The following GLIPR1L1 variants were observed in gnomAD, a reference collection of about 807,000 sequenced individuals.
The protein encoded by GLIPR1L1 is GLIPR1-like protein 1.
GLIPR1L1 carries 26 observed loss-of-function variants against 29.9 expected under a neutral mutation model. The observed-to-expected ratio is 0.87, with a 90% CI of 0.64 to 1.21. The LOEUF is 1.21. GLIPR1L1 is among the 50% of genes most tolerant of loss of function. The pLI, the probability that GLIPR1L1 is intolerant of heterozygous loss-of-function variation, is 0.00. For missense variants in GLIPR1L1, 305 were observed against 290.3 expected, an observed-to-expected ratio of 1.05 and a Z score of -0.37; for synonymous variants, 77 against 97.5, an observed-to-expected ratio of 0.79 and a Z score of 1.24.
chr12:75,349,994 C>T (rs372685196), intron 3 of GLIPR1L1, among the ~76,000 whole-genome samples: 27 of 152,310 alleles, frequency 1.8e-4, no homozygotes, highest in African/African-American at 3.6e-4. Flanking sequence ...GACCGGGTCC[C>T]GGGAGGGAGG....
At chr12:75,355,087 A>T (rs2043064074) in intron 3 of GLIPR1L1, among the ~76,000 whole-genome samples, 1 of 152,224 alleles carries the variant, frequency 6.6e-6, no homozygotes, top group Admixed American at 6.5e-5. Flanking sequence ...TTTCAAGACA[A>T]AAACATCAAA....
At chr12:75,359,445 T>C (rs941871937) in intron 3 of GLIPR1L1, among the ~76,000 whole-genome samples, 4 of 149,792 alleles carry the variant, frequency 2.7e-5, no homozygotes, top group South Asian at 2.1e-4. Context: ...AGGATTTTAT[T>C]GTATAAATTG....
At chr12:75,365,696 A>G (rs536238822) in intron 4 of GLIPR1L1, among the ~76,000 whole-genome samples, 1 of 152,266 alleles carries the variant, frequency 6.6e-6, no homozygotes, top group Non-Finnish European at 1.5e-5. Flanking sequence ...CTCATTATTT[A>G]ATAGTTCACC....
chr12:75,363,024 A>G, intron 3 of GLIPR1L1, 78 bp from the exon 4 acceptor site: 1 of 636,074 alleles, frequency 1.6e-6, no homozygotes, highest in Non-Finnish European at 2.7e-6. Flanking sequence ...AAATGACTAA[A>G]ACAACTTGCA....
chr12:75,350,311 C>T (rs1423882987), intron 3 of GLIPR1L1, among the ~76,000 whole-genome samples: 1 of 152,206 alleles, frequency 6.6e-6, no homozygotes. Flanking sequence ...TTTCTGATGG[C>T]AAGCTCTGAG....
intron 3 of GLIPR1L1, among the ~76,000 whole-genome samples, chr12:75,350,192 G>A (rs975307497): frequency 1.3e-5 from 2 of 152,204 alleles, no homozygotes; most frequent in African/African-American, 4.8e-5. Context: ...CCTACCTGAG[G>A]GATTTTCAGC....
At chr12:75,351,502 A>C (rs1048836144) in intron 3 of GLIPR1L1, among the ~76,000 whole-genome samples, 1 of 152,110 alleles carries the variant, frequency 6.6e-6, no homozygotes, top group African/African-American at 2.4e-5. Context: ...CAGAAATCCT[A>C]AAAACCAGAA....
chr12:75,368,447 T>C (rs1487808670), intron 4 of GLIPR1L1, among the ~76,000 whole-genome samples: 1 of 151,792 alleles, frequency 6.6e-6, no homozygotes, highest in East Asian at 1.9e-4. Flanking sequence ...GGGTTTCTAA[T>C]ATAACACAGC....
intron 3 of GLIPR1L1, among the ~76,000 whole-genome samples, chr12:75,349,061 A>G (rs902306610): frequency 3.3e-5 from 5 of 151,988 alleles, no homozygotes; most frequent in Non-Finnish European, 7.4e-5. Flanking sequence ...ACCAGAGAAA[A>G]GAGAACTACA....
At chr12:75,362,872 T>C (rs1290425654) in intron 3 of GLIPR1L1, among the ~76,000 whole-genome samples, 1 of 152,206 alleles carries the variant, frequency 6.6e-6, no homozygotes, top group Non-Finnish European at 1.5e-5. Flanking sequence ...CACATCTCAT[T>C]ATTCTTCTAT....
chr12:75,368,205 G>A lies in GLIPR1L1; in HGVS notation c.611-1755G>A, dbSNP rs746519067. On this transcript the variant is annotated intron_variant, in intron 4 of 5. Transcript: ENST00000378695. ...TTCATTCTCGTGATAAATCCAATTT[G>A]GTCATGAGGTTTCCTTAAGAGATGG... Among the ~76,000 whole-genome samples, 175 of 151,094 alleles carry A rather than the reference G, an allele frequency of 1.2e-3. 2 individuals are homozygous for A. The highest frequency in any genetic ancestry group is 1.9e-3 in the Non-Finnish European group (132 of 67,766).
intron 3 of GLIPR1L1, among the ~76,000 whole-genome samples, chr12:75,351,020 G>A (rs2042774016): frequency 6.6e-6 from 1 of 152,192 alleles, no homozygotes; most frequent in Non-Finnish European, 1.5e-5. Context: ...TGATGGAGCT[G>A]TAAAACACAA....
chr12:75,346,137 A>G lies in GLIPR1L1; in HGVS notation c.421-1485A>G, dbSNP rs1472802907. Among the ~76,000 whole-genome samples, 4 of 152,206 alleles carry G rather than the reference A, an allele frequency of 2.6e-5. No homozygotes were observed. In the South Asian group the frequency reaches 6.2e-4, roughly 24 times the overall value. ...TACATAGTGAATATTTATTCTCACG[A>G]TTCCAAAAGCCCCAAAAAGTCACAA... On this transcript the variant is annotated intron_variant, in intron 2 of 5. Transcript: ENST00000378695.
chr12:75,363,041 C>T, intron 3 of GLIPR1L1, 61 bp from the exon 4 acceptor site: 1 of 788,782 alleles, frequency 1.3e-6, no homozygotes, highest in Non-Finnish European at 2.1e-6. Context: ...TGCATACATG[C>T]ATGAACAAAA....
At chr12:75,344,014 T>C in intron 2 of GLIPR1L1, 76 bp downstream of exon 2, 1 of 1,231,150 alleles carries the variant, frequency 8.1e-7, no homozygotes, top group Non-Finnish European at 1.1e-6. Context: ...TCTCTGTATG[T>C]AAAGTGCCTT....
Position 75,370,222 on chromosome 12 carries a change from A to T in GLIPR1L1, c.*46A>T. 15 of 969,758 alleles carry T rather than the reference A, an allele frequency of 1.5e-5. No homozygotes were observed. The highest frequency in any genetic ancestry group is 2.0e-5 in the Non-Finnish European group (12 of 607,888). 60.1% of individuals were successfully genotyped at this position (969,758 alleles called of 1,614,324 possible). ...AATTCTCAAATGTTAAAATAAAGGA[A>T]TAGTTTATTGCTTAATATAACTTAT... is the stretch of plus-strand genomic sequence containing the variant. On this transcript the variant is annotated 3_prime_UTR_variant, in exon 6 of 6. Coordinates refer to ENST00000378695, the MANE Select transcript of GLIPR1L1 (RefSeq NM_001304964.2).
At chr12:75,355,373 C>T (rs756348413) in intron 3 of GLIPR1L1, among the ~76,000 whole-genome samples, 1 of 152,170 alleles carries the variant, frequency 6.6e-6, no homozygotes, top group Non-Finnish European at 1.5e-5. Flanking sequence ...TAAAACACAG[C>T]TCAACATCAT....
chr12:75,351,240 G>A lies in GLIPR1L1; in HGVS notation c.521+3518G>A, dbSNP rs1027286184. Among the ~76,000 whole-genome samples, 19 of 152,178 alleles carry A rather than the reference G, an allele frequency of 1.2e-4. 1 individual carries two copies. ...GGTACCTGAAATAAATGGGGAGAAA[G>A]AACTGAGTTGGAAAACACACTTCAG... is the stretch of plus-strand genomic sequence containing the variant. On this transcript the variant is annotated intron_variant, in intron 3 of 5. Coordinates refer to ENST00000378695, the MANE Select transcript of GLIPR1L1 (RefSeq NM_001304964.2).
chr12:75,359,747 A>G (rs2043440112), intron 3 of GLIPR1L1: 1 of 152,152 alleles, frequency 6.6e-6, no homozygotes, highest in South Asian at 2.1e-4. Context: ...TGGAAAAAAA[A>G]TTAATAAATC....
Sources: gnomAD v4.1 joint callset for allele counts (sites outside exome capture counted in the v4.1 genomes callset) on GRCh38, gnomAD v4.1.1 for gene constraint, MANE v1.5 for transcripts, NCBI Gene and HGNC (gene_info 2026-07-23, HGNC 2026-07-21) for gene names.